The following BCAS1 variants were observed in gnomAD, a reference collection of about 807,000 sequenced individuals.
BCAS1 encodes the protein breast carcinoma-amplified sequence 1.
A neutral mutation model predicts 65.4 loss-of-function variants in BCAS1; 46 were observed. The observed-to-expected ratio is 0.70, with a 90% confidence interval of 0.55 to 0.90. The LOEUF (loss-of-function observed/expected upper bound fraction) is 0.90, where lower values mean the gene tolerates loss of function less well. BCAS1 is among the 40% of genes least tolerant of loss of function. The pLI is 0.00. For synonymous variants in BCAS1, 298 were observed against 293.5 expected, an observed-to-expected ratio of 1.02 and a Z score of -0.16; for missense variants, 793 against 771.2, an observed-to-expected ratio of 1.03 and a Z score of -0.33.
chr20:53,978,293 C>T (rs1392804191), intron 8 of BCAS1, among the ~76,000 whole-genome samples: 1 of 152,082 alleles, frequency 6.6e-6, no homozygotes, highest in Non-Finnish European at 1.5e-5. Context: ...TGTACCACCT[C>T]TATTCAGTTG....
rs2090590594 is a variant in BCAS1, at chr20:53,985,416, G to A, written c.1146C>T (p.Gly382=). The A allele has an allele frequency of 5.6e-6, 9 of 1,613,980 alleles. No homozygotes were observed. Among genetic ancestry groups the A allele is most frequent in the Non-Finnish European group, 7.6e-6 (9 of 1,179,964 alleles). ...NFTSQETQGA[G]KNSKGCNPSG... ...ATGGGTTGCATCCTTTGGAATTCTT[G>A]CCAGCCCCTTGGGTCTCCTGGGATG... Residue 382 remains glycine, a synonymous_variant, in exon 8 of 13, where the codon GGC becomes GGT. Transcript: ENST00000688948.
chr20:53,962,259 G>A (rs1038537386), intron 10 of BCAS1, among the ~76,000 whole-genome samples: 4 of 152,144 alleles, frequency 2.6e-5, no homozygotes, highest in African/African-American at 9.7e-5. Context: ...AGACTTACTA[G>A]ATTGAATGTA....
chr20:53,973,472 T>C (rs1413366602), intron 9 of BCAS1, among the ~76,000 whole-genome samples: 4 of 152,176 alleles, frequency 2.6e-5, no homozygotes, highest in South Asian at 2.1e-4. Context: ...CAGTAGAAAA[T>C]AGAATATCTC....
chr20:54,050,556 T>C (rs2092193380), intron 3 of BCAS1, among the ~76,000 whole-genome samples: 1 of 152,212 alleles, frequency 6.6e-6, no homozygotes, highest in Non-Finnish European at 1.5e-5. Flanking sequence ...AGAGCACAGA[T>C]ACAGTACATA....
At chr20:53,951,754 C>T (rs1454586404) in intron 12 of BCAS1, among the ~76,000 whole-genome samples, 1 of 152,222 alleles carries the variant, frequency 6.6e-6, no homozygotes, top group Non-Finnish European at 1.5e-5. Context: ...TCTCTCAGGG[C>T]TACAAACTGG....
rs1031172462 is a variant in BCAS1, at chr20:54,023,255, A to G, written c.723+5137T>C. 5.9e-5 allele frequency among the ~76,000 whole-genome samples: 9 copies of G among 152,346 alleles called. No homozygotes were observed. The East Asian group carries it at 1.7e-3, about 29-fold the overall frequency. The stretch of plus-strand genomic sequence containing the variant: ...AACTTCATTGAACAAGTTTCAAATA[A>G]TTGGCAAAAATAGAAACGTTGACTA... On this transcript the variant is annotated intron_variant, in intron 4 of 12. Transcript: ENST00000688948.
chr20:53,970,578 T>TG (rs1195740120), intron 9 of BCAS1, among the ~76,000 whole-genome samples: 1 of 152,248 alleles, frequency 6.6e-6, no homozygotes, highest in Non-Finnish European at 1.5e-5. Context: ...TAAAGTCAGA[T>TG]GTGCGCTACA....
At chr20:54,059,170 A>T (rs184958333) in intron 1 of BCAS1, among the ~76,000 whole-genome samples, 1 of 152,332 alleles carries the variant, frequency 6.6e-6, no homozygotes, top group Non-Finnish European at 1.5e-5. Context: ...GAGGATTACA[A>T]TTCAAGGTAA....
chr20:54,000,687 G>T (rs1175242487), intron 4 of BCAS1, among the ~76,000 whole-genome samples: 1 of 151,904 alleles, frequency 6.6e-6, no homozygotes, highest in African/African-American at 2.4e-5. Flanking sequence ...TTCACCCACT[G>T]CCCTGTGGTT....
At chr20:54,052,100 A>C (rs142888813) in intron 3 of BCAS1, among the ~76,000 whole-genome samples, 2 of 152,314 alleles carry the variant, frequency 1.3e-5, no homozygotes, top group East Asian at 3.9e-4. Flanking sequence ...AATCAGATTT[A>C]TCTGATTGAA....
At chr20:54,023,490 T>C (rs1221695785) in intron 4 of BCAS1, among the ~76,000 whole-genome samples, 2 of 152,222 alleles carry the variant, frequency 1.3e-5, no homozygotes, top group East Asian at 1.9e-4. Flanking sequence ...GCGAGAGGGA[T>C]TCATGCTGTC....
At chr20:53,992,891 C>A (rs1276875131) in intron 6 of BCAS1, among the ~76,000 whole-genome samples, 1 of 151,996 alleles carries the variant, frequency 6.6e-6, no homozygotes, top group Non-Finnish European at 1.5e-5. Flanking sequence ...CACCTCAAAG[C>A]AAGACAGAAC....
At chr20:54,054,151 C>T (rs2092260988) in intron 3 of BCAS1, among the ~76,000 whole-genome samples, 1 of 152,176 alleles carries the variant, frequency 6.6e-6, no homozygotes, top group Admixed American at 6.5e-5. Context: ...ATGGGAAAAA[C>T]ATGCCCCTAT....
chr20:54,040,414 G>A (rs2091969725), intron 3 of BCAS1, among the ~76,000 whole-genome samples: 1 of 151,144 alleles, frequency 6.6e-6, no homozygotes, highest in African/African-American at 2.4e-5. Flanking sequence ...CGGTTGTGGG[G>A]CAGGTTGAGT....
At chr20:53,945,350 C>G (rs145901425) in intron 12 of BCAS1, among the ~76,000 whole-genome samples, 2 of 152,188 alleles carry the variant, frequency 1.3e-5, no homozygotes, top group African/African-American at 4.8e-5. Flanking sequence ...TTCTACCTCA[C>G]TTTAGCTCCC....
At chr20:53,957,176 G>A (rs1449676712) in intron 11 of BCAS1, among the ~76,000 whole-genome samples, 1 of 152,194 alleles carries the variant, frequency 6.6e-6, no homozygotes, top group African/African-American at 2.4e-5. Flanking sequence ...AAAAGTGAAG[G>A]GTGAGAAGAG....
chr20:53,964,328 G>A (rs948359084), intron 10 of BCAS1, among the ~76,000 whole-genome samples: 5 of 152,156 alleles, frequency 3.3e-5, no homozygotes, highest in African/African-American at 1.2e-4. Flanking sequence ...TAGTAAGCTG[G>A]AAAACTCTTC....
chr20:53,995,538 T>C (rs1255568241), intron 5 of BCAS1, among the ~76,000 whole-genome samples: 1 of 151,790 alleles, frequency 6.6e-6, no homozygotes, highest in Non-Finnish European at 1.5e-5. Context: ...GCCACTTGAG[T>C]GGCAAAACTG....
At chr20:53,971,173 T>C (rs1222116219) in intron 9 of BCAS1, among the ~76,000 whole-genome samples, 5 of 152,238 alleles carry the variant, frequency 3.3e-5, no homozygotes, top group African/African-American at 1.2e-4. Context: ...CTGTGCCCAT[T>C]GATGTGTGAC....
Sources: gnomAD v4.1 joint callset for allele counts (sites outside exome capture counted in the v4.1 genomes callset) on GRCh38, gnomAD v4.1.1 for gene constraint, MANE v1.5 for transcripts, NCBI Gene and HGNC (gene_info 2026-07-23, HGNC 2026-07-21) for gene names.